Variants in CCDC201 observed in about 807,000 individuals in gnomAD.
The protein encoded by CCDC201 is coiled-coil domain-containing protein 201.
At chr7:45,884,497 C>T in the CCDC201 span, among the ~76,000 whole-genome samples, 4 of 152,190 alleles carry the variant, frequency 2.6e-5, no homozygotes, top group African/African-American at 9.7e-5. Flanking sequence ...CTTTGCACAG[C>T]CTCCAGGCCT....
intron 2 of CCDC201, among the ~76,000 whole-genome samples, chr7:45,865,144 G>A (rs1786654812): frequency 6.6e-6 from 1 of 152,196 alleles, no homozygotes; most frequent in African/African-American, 2.4e-5. Flanking sequence ...CTAGAACAAG[G>A]CCAGAGGATA....
At chr7:45,866,132 G>T in exon 2 of CCDC201, 1 of 198,762 alleles carries the variant, frequency 5.0e-6, no homozygotes, top group Non-Finnish European at 1.0e-5. Context: ...TTGCCCGGAG[G>T]GACTCTTGCT....
intron 1 of CCDC201, among the ~76,000 whole-genome samples, chr7:45,869,327 A>C (rs1786715966): frequency 6.6e-6 from 1 of 152,238 alleles, no homozygotes; most frequent in Non-Finnish European, 1.5e-5. Context: ...ATTGTAGTCA[A>C]GTCACCAGAG....
chr7:45,865,170 G>A (rs1018686924), intron 2 of CCDC201, among the ~76,000 whole-genome samples: 4 of 152,220 alleles, frequency 2.6e-5, no homozygotes, highest in Non-Finnish European at 4.4e-5. Flanking sequence ...GGAAATGGGC[G>A]AGGAGGCAGA....
the CCDC201 span, among the ~76,000 whole-genome samples, chr7:45,879,053 T>G: frequency 2.0e-5 from 3 of 152,214 alleles, no homozygotes; most frequent in Admixed American, 1.3e-4. Context: ...AGTTCAAAGT[T>G]TAACAGATCC....
chr7:45,860,841 C>A (rs576232783), exon 3 of CCDC201: 1 of 152,198 alleles, frequency 6.6e-6, no homozygotes, highest in African/African-American at 2.4e-5. Flanking sequence ...ATGTGATGTG[C>A]ACCATTTGTG....
At chr7:45,860,845 A>G (rs1583650530) in exon 3 of CCDC201, 1 of 152,374 alleles carries the variant, frequency 6.6e-6, no homozygotes, top group African/African-American at 2.4e-5. Flanking sequence ...GATGTGCACC[A>G]TTTGTGAAAT....
the CCDC201 span, among the ~76,000 whole-genome samples, chr7:45,881,942 G>T: frequency 6.6e-6 from 1 of 152,126 alleles, no homozygotes; most frequent in East Asian, 1.9e-4. Context: ...TTTCCCATCA[G>T]TTTGCCAAGC....
chr7:45,871,266 G>A (rs1001823751), intron 1 of CCDC201, among the ~76,000 whole-genome samples: 5 of 151,878 alleles, frequency 3.3e-5, no homozygotes, highest in African/African-American at 1.2e-4. Context: ...TGGCTGGTTG[G>A]CCACTTGGGA....
upstream of CCDC201, among the ~76,000 whole-genome samples, chr7:45,876,221 G>A (rs775972996): frequency 6.6e-6 from 1 of 152,120 alleles, no homozygotes; most frequent in Non-Finnish European, 1.5e-5. Flanking sequence ...CTTTCCCAGA[G>A]GGCCCTCTTG....
upstream of CCDC201, among the ~76,000 whole-genome samples, chr7:45,875,088 G>C (rs1351047407): frequency 6.6e-6 from 1 of 152,206 alleles, no homozygotes; most frequent in Non-Finnish European, 1.5e-5. Flanking sequence ...ATGAACATGT[G>C]TATGTGCATG....
the CCDC201 span, among the ~76,000 whole-genome samples, chr7:45,884,587 C>T: frequency 1.3e-5 from 2 of 152,162 alleles, no homozygotes; most frequent in Non-Finnish European, 2.9e-5. Context: ...ACTACTGGCT[C>T]TTCCCTGAAC....
chr7:45,867,754 A>C (rs1037716262), intron 1 of CCDC201, among the ~76,000 whole-genome samples: 1 of 152,236 alleles, frequency 6.6e-6, no homozygotes, highest in Non-Finnish European at 1.5e-5. Context: ...TCCCAGGCTG[A>C]TAACTGTGTC....
At chr7:45,861,710 C>T (rs796378735) in exon 3 of CCDC201, 7 of 152,130 alleles carry the variant, frequency 4.6e-5, no homozygotes, top group African/African-American at 1.4e-4. Flanking sequence ...TCTTTTAAGC[C>T]AGTCTGAGCC....
chr7:45,876,063 T>C (rs1283645231), upstream of CCDC201, among the ~76,000 whole-genome samples: 3 of 152,084 alleles, frequency 2.0e-5, no homozygotes, highest in African/African-American at 7.2e-5. Flanking sequence ...ACCTTAAAAC[T>C]GGGAGAGTAT....
At chr7:45,882,794 G>A in the CCDC201 span, among the ~76,000 whole-genome samples, 2 of 152,174 alleles carry the variant, frequency 1.3e-5, no homozygotes, top group Non-Finnish European at 2.9e-5. Context: ...CTGGTCCCCG[G>A]TTTAATACCC....
rs972145043 is a variant in CCDC201 at position 45,865,197 on chromosome 7, G to T, written c.477+839C>A. Reference sequence around the variant, plus strand: ...GGAGGCAGAATTCTGCCAGGAGAGGGCCAGGGCACCTCCCAACTGGCTGCT... The same window carrying T: ...GGAGGCAGAATTCTGCCAGGAGAGGTCCAGGGCACCTCCCAACTGGCTGCT... On this transcript the variant is annotated intron_variant, in intron 2 of 2. Coordinates refer to ENST00000636578, the Ensembl canonical transcript of CCDC201. Among the ~76,000 whole-genome samples, 4 of 152,242 alleles carry T rather than the reference G, an allele frequency of 2.6e-5. No homozygotes were observed. In the South Asian group the frequency reaches 8.3e-4, roughly 31 times the overall value.
intron 1 of CCDC201, among the ~76,000 whole-genome samples, chr7:45,869,997 A>G (rs1583653651): frequency 6.6e-6 from 1 of 151,912 alleles, no homozygotes; most frequent in East Asian, 1.9e-4. Flanking sequence ...TTGTATTTTT[A>G]TTAGAAATGG....
At chr7:45,878,623 G>A in the CCDC201 span, among the ~76,000 whole-genome samples, 22 of 152,342 alleles carry the variant, frequency 1.4e-4, no homozygotes, top group African/African-American at 5.3e-4. Flanking sequence ...GTAATACAGG[G>A]CACCATGTCC....
Sources: allele counts gnomAD v4.1 joint callset (sites outside exome capture counted in the v4.1 genomes callset), GRCh38; gene constraint gnomAD v4.1.1; transcripts MANE v1.5; gene names NCBI Gene and HGNC (gene_info 2026-07-23, HGNC 2026-07-21).